ABCC8: variants seen among roughly 807,000 people sequenced by gnomAD.
ABCC8 encodes ATP binding cassette subfamily C member 8.
Under a neutral mutation model 188.0 loss-of-function variants are expected in ABCC8, and 137 were observed. That is an observed-to-expected ratio of 0.73 (90% CI 0.63 to 0.84). The LOEUF (loss-of-function observed/expected upper bound fraction) is 0.84, where lower values mean the gene tolerates loss of function less well. ABCC8 is among the 40% of genes least tolerant of loss of function. The probability of loss-of-function intolerance (pLI) is 0.00; values close to 1 mark genes in which losing one functional copy is unlikely to be tolerated. For synonymous variants in ABCC8, 797 were observed against 846.5 expected (o/e 0.94, Z 1.01); for missense variants, 1,750 against 2,072.7 (o/e 0.84, Z 3.02).
chr11:17,437,188 G>A (rs563059265), intron 10 of ABCC8, among the ~76,000 whole-genome samples: 4 of 142,468 alleles, frequency 2.8e-5, no homozygotes, highest in Admixed American at 7.0e-5. Context: ...TGGGGACTAC[G>A]GTAGTAAATG....
chr11:17,437,857 G>A (rs983708443), intron 10 of ABCC8, among the ~76,000 whole-genome samples: 28 of 152,324 alleles, frequency 1.8e-4, no homozygotes, highest in African/African-American at 6.0e-4. Context: ...CCAGCATTTT[G>A]GGAGGCCAAG....
At chr11:17,471,985 C>T (rs997250461) in intron 2 of ABCC8, among the ~76,000 whole-genome samples, 2 of 152,230 alleles carry the variant, frequency 1.3e-5, no homozygotes, top group African/African-American at 4.8e-5. Flanking sequence ...CAACACCCTT[C>T]CTGGGGATCT....
chr11:17,416,244 T>C (rs188060605), intron 17 of ABCC8, among the ~76,000 whole-genome samples: 1 of 152,290 alleles, frequency 6.6e-6, no homozygotes, highest in African/African-American at 2.4e-5. Flanking sequence ...CAAGTGTTTT[T>C]TGGAGAGGTA....
At chr11:17,430,407 A>G in intron 12 of ABCC8, 1 of 335,748 alleles carries the variant, frequency 3.0e-6, no homozygotes, top group Non-Finnish European at 5.9e-6. Flanking sequence ...GGCCTGGGAA[A>G]GATAGACACA....
At chr11:17,428,762 C>T in intron 12 of ABCC8, 92 bp from the exon 13 acceptor site, 1 of 1,569,696 alleles carries the variant, frequency 6.4e-7, no homozygotes, top group South Asian at 1.1e-5. Flanking sequence ...TGAGCAGGAT[C>T]TCAGGCCTGA....
chr11:17,435,171 CCCTCCA>C (rs1956029625), intron 10 of ABCC8, among the ~76,000 whole-genome samples: 1 of 152,102 alleles, frequency 6.6e-6, no homozygotes, highest in African/African-American at 2.4e-5. Context: ...AGACTAATTC[CCCTCCA>C]CCCCCGCCTC....
intron 12 of ABCC8, chr11:17,429,144 G>A (rs561924296): frequency 3.3e-4 from 59 of 178,430 alleles, no homozygotes; most frequent in Middle Eastern, 2.3e-3. Flanking sequence ...CGGGGGAGGC[G>A]GCTATTCCTA....
intron 18 of ABCC8, 90 bp downstream of exon 18, chr11:17,415,214 G>A: frequency 6.5e-7 from 1 of 1,533,236 alleles, no homozygotes; most frequent in Non-Finnish European, 8.9e-7. Flanking sequence ...GGGTCTGGGG[G>A]CTGCCCAGCA....
At chr11:17,413,318 G>A in intron 20 of ABCC8, 76 bp downstream of exon 20, 2 of 1,579,680 alleles carry the variant, frequency 1.3e-6, no homozygotes, top group South Asian at 1.1e-5. Context: ...GTTACCCATT[G>A]TCCTGAGTAG....
chr11:17,409,583 G>A (rs1954711910), intron 22 of ABCC8, among the ~76,000 whole-genome samples: 1 of 152,124 alleles, frequency 6.6e-6, no homozygotes, highest in Non-Finnish European at 1.5e-5. Context: ...CTTTATACTG[G>A]AGGGGGTCTC....
At position 17,395,954 on chromosome 11, in the gene ABCC8, G is replaced by A. The variant is rs769849570; in HGVS notation, c.4120-24C>T. Reference sequence around the variant, plus strand: ...ATCTGGAAAGAGAGAAGCAGGCACCGCCACTGGGACTCTGGGGCTGCTGGG... The same window carrying A: ...ATCTGGAAAGAGAGAAGCAGGCACCACCACTGGGACTCTGGGGCTGCTGGG... On this transcript the variant is annotated intron_variant, in intron 33 of 38. Coordinates refer to ENST00000389817, the MANE Select transcript of ABCC8 (RefSeq NM_000352.6). 9.6e-6 allele frequency: 15 copies of A among 1,559,712 alleles called. No individual in the cohort carries two copies. In the East Asian group the frequency reaches 1.2e-4, roughly 12 times the overall value.
chr11:17,416,823 C>A (rs950240781), intron 17 of ABCC8, 107 bp downstream of exon 17: 11 of 1,497,512 alleles, frequency 7.3e-6, no homozygotes, highest in African/African-American at 1.4e-5. Flanking sequence ...ATGTAGGCTG[C>A]ACATCCCTGA....
chr11:17,461,304 A>C (rs1028524671), intron 5 of ABCC8: 5 of 515,490 alleles, frequency 9.7e-6, no homozygotes, highest in African/African-American at 9.6e-5. Flanking sequence ...CAGTGGGGTC[A>C]CTTCCCTTCT....
intron 11 of ABCC8, 132 bp downstream of exon 11, chr11:17,432,072 C>T: frequency 7.9e-7 from 1 of 1,270,212 alleles, no homozygotes; most frequent in Non-Finnish European, 1.1e-6. Flanking sequence ...ACTTTCGATC[C>T]TATTTTCAGT....
At chr11:17,441,407 G>A (rs1276572329) in intron 10 of ABCC8, among the ~76,000 whole-genome samples, 9 of 152,088 alleles carry the variant, frequency 5.9e-5, no homozygotes, top group Admixed American at 3.9e-4. Context: ...TCCTTGCCAC[G>A]TTCTGTGTAA....
rs193022655 is a variant in ABCC8, at chr11:17,464,157, G to A, written c.413-553C>T. Among the ~76,000 whole-genome samples, 3 of 152,342 alleles carry A rather than the reference G, an allele frequency of 2.0e-5. No homozygotes were observed. The East Asian group carries it at 5.8e-4, about 29-fold the overall frequency. ...TTACTTGTGGAATTTCCAAGTGAGG[G>A]AAATCTTAAAGGTCATTCAATCCAG... On this transcript the variant is annotated intron_variant, in intron 3 of 38. Transcript: ENST00000389817.
At chr11:17,464,170 T>C (rs1340089842) in intron 3 of ABCC8, among the ~76,000 whole-genome samples, 3 of 152,192 alleles carry the variant, frequency 2.0e-5, no homozygotes, top group Non-Finnish European at 4.4e-5. Flanking sequence ...ATCTTAAAGG[T>C]CATTCAATCC....
intron 7 of ABCC8, among the ~76,000 whole-genome samples, chr11:17,450,260 C>CTTTCTTT (rs138135816): frequency 1.5e-5 from 1 of 67,662 alleles, no homozygotes; most frequent in Non-Finnish European, 3.0e-5. Context: ...TTCTTTCTTT[C>CTTTCTTT]TCTTTCTTTC....
intron 3 of ABCC8, among the ~76,000 whole-genome samples, chr11:17,466,478 A>G (rs10766403): frequency 0.46 from 69,152 of 151,154 alleles, 17,171 homozygotes; most frequent in African/African-American, 0.67. Context: ...ATAGATAGAA[A>G]GTAGAATGGT....
Sources: allele counts gnomAD v4.1 joint callset (sites outside exome capture counted in the v4.1 genomes callset), GRCh38; gene constraint gnomAD v4.1.1; transcripts MANE v1.5; gene names NCBI Gene and HGNC (gene_info 2026-07-23, HGNC 2026-07-21).